Variants in BEND7 observed in about 807,000 individuals in gnomAD.
The protein encoded by BEND7 is BEN domain-containing protein 7.
A neutral mutation model predicts 50.9 loss-of-function variants in BEND7; 28 were observed. That is an observed-to-expected ratio of 0.55 (90% CI 0.41 to 0.75). The LOEUF (loss-of-function observed/expected upper bound fraction) is 0.75. BEND7 is among the 30% of genes least tolerant of loss of function. BEND7 has a pLI of 0.00. For missense variants in BEND7, 477 were observed against 491.3 expected (o/e 0.97, Z 0.28); for synonymous variants, 170 against 183.9 (o/e 0.92, Z 0.61).
chr10:13,487,597 G>A (rs935423736), intron 5 of BEND7, among the ~76,000 whole-genome samples: 1 of 151,886 alleles, frequency 6.6e-6, no homozygotes, highest in Non-Finnish European at 1.5e-5. Context: ...TGTTGATCAC[G>A]CTGGTCTCGA....
At chr10:13,508,306 T>C (rs923460853) in intron 2 of BEND7, among the ~76,000 whole-genome samples, 1 of 152,086 alleles carries the variant, frequency 6.6e-6, no homozygotes, top group Non-Finnish European at 1.5e-5. Context: ...TGGAACAGGG[T>C]GGTGGTTTTC....
intron 2 of BEND7, among the ~76,000 whole-genome samples, chr10:13,508,912 A>G (rs1428191695): frequency 6.6e-6 from 1 of 152,254 alleles, no homozygotes. Context: ...AACCCCAGCC[A>G]GGGGACAGGA....
chr10:13,501,662 T>C (rs553651883), intron 2 of BEND7, among the ~76,000 whole-genome samples: 1 of 151,926 alleles, frequency 6.6e-6, no homozygotes, highest in South Asian at 2.1e-4. Context: ...GCCTGGGCAA[T>C]ATGGAGAAAC....
At chr10:13,474,042 C>G (rs867544862) in intron 6 of BEND7, among the ~76,000 whole-genome samples, 64 of 151,588 alleles carry the variant, frequency 4.2e-4, no homozygotes, top group African/African-American at 1.5e-3. Context: ...TATCCATTAT[C>G]GCTCTTAGAT....
intron 2 of BEND7, among the ~76,000 whole-genome samples, chr10:13,517,117 T>G (rs2078740137): frequency 6.8e-6 from 1 of 148,008 alleles, no homozygotes; most frequent in Non-Finnish European, 1.5e-5. Flanking sequence ...CAGGCTGGAG[T>G]GCAATGGTGC....
chr10:13,453,328 C>T (rs1400433584), intron 6 of BEND7, among the ~76,000 whole-genome samples: 1 of 152,202 alleles, frequency 6.6e-6, no homozygotes, highest in African/African-American at 2.4e-5. Flanking sequence ...GACATTTCCA[C>T]CTCACACACA....
intron 6 of BEND7, among the ~76,000 whole-genome samples, chr10:13,462,319 C>A (rs1440014729): frequency 6.6e-6 from 1 of 152,192 alleles, no homozygotes; most frequent in Non-Finnish European, 1.5e-5. Flanking sequence ...AGAGCAAAGG[C>A]ACATTTTACA....
intron 2 of BEND7, among the ~76,000 whole-genome samples, chr10:13,524,099 A>T (rs1329701505): frequency 1.3e-5 from 2 of 152,222 alleles, no homozygotes; most frequent in Non-Finnish European, 2.9e-5. Flanking sequence ...TTTCCAGCTT[A>T]CTGAATCCTG....
intron 6 of BEND7, among the ~76,000 whole-genome samples, chr10:13,474,722 T>C (rs2075298098): frequency 6.6e-6 from 1 of 152,098 alleles, no homozygotes; most frequent in Admixed American, 6.5e-5. Flanking sequence ...TCATCAGTGT[T>C]GGACTCGGGT....
chr10:13,451,444 G>A (rs1410440556), intron 7 of BEND7, among the ~76,000 whole-genome samples: 1 of 151,496 alleles, frequency 6.6e-6, no homozygotes, highest in Non-Finnish European at 1.5e-5. Flanking sequence ...TGGAGATGTT[G>A]CCCAGGCTGG....
chr10:13,451,876 T>C (rs1564511767), intron 7 of BEND7, among the ~76,000 whole-genome samples: 2 of 151,714 alleles, frequency 1.3e-5, no homozygotes, highest in East Asian at 2.0e-4. Context: ...ATAGTTATTC[T>C]TATTTGATGG....
At chr10:13,470,310 T>TCGACAGTGTCCACAACGG (rs2074681304) in intron 6 of BEND7, among the ~76,000 whole-genome samples, 1 of 152,194 alleles carries the variant, frequency 6.6e-6, no homozygotes. Context: ...AATATACAAA[T>TCGACAGTGTCCACAACGG]CGACAGTGTC....
intron 5 of BEND7, among the ~76,000 whole-genome samples, chr10:13,481,752 C>G (rs1446396169): frequency 6.6e-6 from 1 of 152,194 alleles, no homozygotes. Flanking sequence ...ACTCCCCATC[C>G]CTAATTTTGG....
chr10:13,501,895 C>T (rs1194355496), intron 2 of BEND7, among the ~76,000 whole-genome samples: 1 of 151,618 alleles, frequency 6.6e-6, no homozygotes, highest in African/African-American at 2.4e-5. Flanking sequence ...AACATTCATG[C>T]AGTTACTCTA....
intron 6 of BEND7, among the ~76,000 whole-genome samples, chr10:13,461,049 C>A (rs186653589): frequency 6.6e-6 from 1 of 152,180 alleles, no homozygotes; most frequent in Admixed American, 6.5e-5. Context: ...AGCCAAGGGG[C>A]ACCTCACCCA....
intron 2 of BEND7, chr10:13,502,990 C>A (rs2077591469): frequency 2.1e-6 from 2 of 941,230 alleles, no homozygotes; most frequent in South Asian, 9.8e-5. Context: ...TACAGTGCTA[C>A]CATTAGCAAC....
downstream of BEND7, among the ~76,000 whole-genome samples, chr10:13,439,872 C>T (rs1016961860): frequency 6.6e-6 from 1 of 152,270 alleles, no homozygotes; most frequent in Admixed American, 6.5e-5. Flanking sequence ...CTCGGCATGG[C>T]GCAAGGCTAG....
chr10:13,518,920 A>G (rs2078888020), intron 2 of BEND7, among the ~76,000 whole-genome samples: 1 of 152,218 alleles, frequency 6.6e-6, no homozygotes, highest in African/African-American at 2.4e-5. Context: ...GCATTGTGCT[A>G]GGTTCTCAAA....
chr10:13,514,345 A>G lies in BEND7; in HGVS notation c.145+11793T>C, dbSNP rs568972515. On this transcript the variant is annotated intron_variant, in intron 2 of 8. Coordinates refer to ENST00000466271, the MANE Select transcript of BEND7 (RefSeq NM_001369863.1). ...CCACTGATGTGCAAGAGATAAACCC[A>G]CATCGGAGGCATCCGTGCAGTTCTC... 3.3e-5 allele frequency among the ~76,000 whole-genome samples: 5 copies of G among 152,294 alleles called. No homozygotes were observed. The East Asian group carries it at 9.6e-4, about 29-fold the overall frequency.
Sources: gnomAD v4.1 joint callset for allele counts (sites outside exome capture counted in the v4.1 genomes callset) on GRCh38, gnomAD v4.1.1 for gene constraint, MANE v1.5 for transcripts, NCBI Gene and HGNC (gene_info 2026-07-23, HGNC 2026-07-21) for gene names.